UIMC1: variants seen among roughly 807,000 people sequenced by gnomAD.
UIMC1 encodes the protein ubiquitin interaction motif containing 1.
Under a neutral mutation model 84.9 loss-of-function variants are expected in UIMC1, and 42 were observed. The ratio of observed to expected loss-of-function variants is 0.49; its 90% CI spans 0.39 to 0.64. The LOEUF (loss-of-function observed/expected upper bound fraction) is 0.64, where lower values mean the gene tolerates loss of function less well. Among genes scored for constraint, UIMC1 ranks in the 30% least tolerant of loss-of-function variants. UIMC1 has a pLI of 0.00. For synonymous variants in UIMC1, 281 were observed against 293.0 expected, an observed-to-expected ratio of 0.96 and a Z score of 0.42; for missense variants, 825 against 847.6, an observed-to-expected ratio of 0.97 and a Z score of 0.33.
Position 176,956,014 on chromosome 5 carries a change from C to G in UIMC1, c.1284G>C (p.Lys428Asn). The change falls in exon 8 of 15, where the codon AAG (lysine) becomes AAC (asparagine). Residue 428 changes from lysine (K) to asparagine (N), a missense_variant. By Grantham distance (94) the Lys-to-Asn change is moderately conservative. Coordinates refer to ENST00000511320, the MANE Select transcript of UIMC1 (RefSeq NM_001199298.2). ...TCTCTGGCATAAGGACTAAGCTTCT[C>G]TTACTGGTCAAAGCAGCAACACTGA... ...ASQSVAALTS[K>N]RSLVLMPESS... The G allele has an allele frequency of 6.2e-7, 1 of 1,613,634 alleles. No individual in the cohort carries two copies. The highest frequency in any genetic ancestry group is 8.5e-7 in the Non-Finnish European group (1 of 1,179,738).
At chr5:176,929,145 C>T (rs780740147) in intron 10 of UIMC1, among the ~76,000 whole-genome samples, 1 of 151,708 alleles carries the variant, frequency 6.6e-6, no homozygotes, top group Non-Finnish European at 1.5e-5. Flanking sequence ...GTCCCAGCTA[C>T]TCGGGAGGCT....
At chr5:176,927,222 AAAAG>A (rs979935565) in intron 10 of UIMC1, among the ~76,000 whole-genome samples, 10 of 141,328 alleles carry the variant, frequency 7.1e-5, no homozygotes, top group African/African-American at 2.2e-4. Flanking sequence ...AAAAAAAAAA[AAAAG>A]CACCAGTAGT....
At chr5:176,948,562 C>A (rs1180880621) in intron 9 of UIMC1, among the ~76,000 whole-genome samples, 1 of 152,128 alleles carries the variant, frequency 6.6e-6, no homozygotes, top group Non-Finnish European at 1.5e-5. Flanking sequence ...TTTGTCAGAC[C>A]ACATTATAAT....
chr5:176,994,076 CT>C (rs1230369285), intron 1 of UIMC1, among the ~76,000 whole-genome samples: 1 of 151,068 alleles, frequency 6.6e-6, no homozygotes, highest in Non-Finnish European at 1.5e-5. Context: ...GTAAAAAACA[CT>C]TGGGTAATGC....
At chr5:176,918,305 A>C (rs1464164720) in intron 10 of UIMC1, among the ~76,000 whole-genome samples, 1 of 152,244 alleles carries the variant, frequency 6.6e-6, no homozygotes, top group Non-Finnish European at 1.5e-5. Flanking sequence ...CCAAGATATG[A>C]TCCATCCAGT....
chr5:176,993,837 G>A (rs534182031), intron 1 of UIMC1, among the ~76,000 whole-genome samples: 7 of 151,598 alleles, frequency 4.6e-5, no homozygotes, highest in East Asian at 1.9e-4. Context: ...GTGAAACCCC[G>A]TCTCTACTAA....
At chr5:176,991,313 T>C (rs529022801) in intron 1 of UIMC1, among the ~76,000 whole-genome samples, 29 of 151,884 alleles carry the variant, frequency 1.9e-4, no homozygotes, top group Non-Finnish European at 3.5e-4. Flanking sequence ...CCGGCCTCAG[T>C]TTTAATTCAC....
chr5:177,013,213 T>C (rs1412639453), intron 1 of UIMC1, among the ~76,000 whole-genome samples: 1 of 151,864 alleles, frequency 6.6e-6, no homozygotes, highest in African/African-American at 2.4e-5. Flanking sequence ...ATACATAAAT[T>C]AGCCGGGCTT....
Position 176,906,008 on chromosome 5 carries a change from C to T in UIMC1, c.1949+3G>A. 6.2e-7 allele frequency: 1 copy of T among 1,614,078 alleles called. No individual in the cohort carries two copies. Among genetic ancestry groups the T allele is most frequent in the Non-Finnish European group, 8.5e-7 (1 of 1,179,960 alleles). ...CCACAATTCAGTGCACAATCCAATT[C>T]ACCTGAAGGCTCCTGTTTCTGAAGA... is the stretch of plus-strand genomic sequence containing the variant. On this transcript the variant is annotated splice_donor_region_variant and intron_variant, in intron 14 of 14. Transcript: ENST00000511320.
chr5:177,000,748 C>T (rs949038264), intron 1 of UIMC1, among the ~76,000 whole-genome samples: 4 of 152,014 alleles, frequency 2.6e-5, no homozygotes, highest in Non-Finnish European at 5.9e-5. Flanking sequence ...GATCCACCTG[C>T]CTCGGACTCC....
At chr5:177,022,015 A>G (rs776621409) in intron 1 of UIMC1, among the ~76,000 whole-genome samples, 2 of 152,204 alleles carry the variant, frequency 1.3e-5, no homozygotes, top group Non-Finnish European at 2.9e-5. Context: ...CCTAAGCGTC[A>G]TGATCTGACT....
chr5:176,919,552 C>CT (rs1415389469), intron 10 of UIMC1, among the ~76,000 whole-genome samples: 2 of 152,148 alleles, frequency 1.3e-5, no homozygotes, highest in African/African-American at 2.4e-5. Flanking sequence ...AGGTGGGACT[C>CT]TAAGGATCCT....
At chr5:176,916,389 T>C (rs774826433) in intron 10 of UIMC1, among the ~76,000 whole-genome samples, 5 of 151,680 alleles carry the variant, frequency 3.3e-5, no homozygotes, top group Non-Finnish European at 7.4e-5. Context: ...CTTTAAGGAG[T>C]TGTACTTAGA....
chr5:177,007,798 T>C (rs1775426353), upstream of UIMC1, among the ~76,000 whole-genome samples: 2 of 152,148 alleles, frequency 1.3e-5, no homozygotes, highest in South Asian at 2.1e-4. Context: ...AGATCTGTCA[T>C]GATTTCTATT....
At chr5:176,954,955 C>T (rs375261586) in intron 8 of UIMC1, among the ~76,000 whole-genome samples, 1 of 151,968 alleles carries the variant, frequency 6.6e-6, no homozygotes, top group Non-Finnish European at 1.5e-5. Flanking sequence ...CTATACGAGA[C>T]CTGAGGGAAA....
intron 6 of UIMC1, among the ~76,000 whole-genome samples, chr5:176,958,674 A>G (rs1766920615): frequency 6.6e-6 from 1 of 152,252 alleles, no homozygotes; most frequent in African/African-American, 2.4e-5. Context: ...CAGGACATCT[A>G]AAGGGAAGGT....
In UIMC1 at chr5:176,994,822, C is replaced by G. The variant is rs558526735; in HGVS notation, c.-9+11828G>C. 4.6e-5 allele frequency among the ~76,000 whole-genome samples: 7 copies of G among 152,222 alleles called. No homozygotes were observed. In the South Asian group the frequency reaches 1.4e-3, roughly 32 times the overall value. On this transcript the variant is annotated intron_variant, in intron 1 of 14. Coordinates refer to ENST00000511320, the MANE Select transcript of UIMC1 (RefSeq NM_001199298.2). ...AATTAAATTGCGACAGGTCTCGCAA[C>G]GCAGGCATAGCTTGTGATCATGCAG...
chr5:176,985,156 T>C (rs1009937804), intron 1 of UIMC1, among the ~76,000 whole-genome samples: 37 of 152,198 alleles, frequency 2.4e-4, no homozygotes, highest in Non-Finnish European at 4.6e-4. Context: ...GGTTTTTTTT[T>C]CTATAGAGAG....
intron 10 of UIMC1, among the ~76,000 whole-genome samples, chr5:176,933,710 A>T (rs141397581): frequency 0.014 from 2,116 of 151,666 alleles, 22 homozygotes; most frequent in Non-Finnish European, 0.022. Flanking sequence ...CTAATTTTTT[A>T]TTTTTTGCAG....
Sources: allele counts gnomAD v4.1 joint callset (sites outside exome capture counted in the v4.1 genomes callset), GRCh38; gene constraint gnomAD v4.1.1; transcripts MANE v1.5; gene names NCBI Gene and HGNC (gene_info 2026-07-23, HGNC 2026-07-21).